STK32C: variants seen among roughly 807,000 people sequenced by gnomAD.
The protein encoded by STK32C is serine/threonine-protein kinase 32C.
Under a neutral mutation model 56.5 loss-of-function variants are expected in STK32C, and 31 were observed. The observed-to-expected ratio is 0.55, with a 90% CI of 0.41 to 0.74. STK32C has a LOEUF of 0.74. STK32C is among the 30% of genes least tolerant of loss of function. The pLI is 0.00. For synonymous variants in STK32C, 309 were observed against 289.4 expected, an observed-to-expected ratio of 1.07 and a Z score of -0.69; for missense variants, 544 against 676.9, an observed-to-expected ratio of 0.80 and a Z score of 2.18.
At chr10:132,309,171 C>A (rs2066172452), upstream of STK32C, among the ~76,000 whole-genome samples, 1 of 152,212 alleles carries the variant, frequency 6.6e-6, no homozygotes, top group African/African-American at 2.4e-5. Flanking sequence ...ACTGTGAGCC[C>A]TGCCTCCCCA....
At chr10:132,319,956 C>A (rs1203825469), downstream of STK32C, among the ~76,000 whole-genome samples, 13 of 149,760 alleles carry the variant, frequency 8.7e-5, 1 homozygote, top group Admixed American at 8.7e-4. Flanking sequence ...GGCACGATCT[C>A]GGCTCACTGC....
intron 1 of STK32C, among the ~76,000 whole-genome samples, chr10:132,305,939 C>T (rs999903782): frequency 6.6e-6 from 1 of 152,182 alleles, no homozygotes; most frequent in Non-Finnish European, 1.5e-5. Flanking sequence ...CGTGGGACAC[C>T]GTCAGCCGAA....
chr10:132,235,493 T>TCAAAA lies in STK32C; in HGVS notation c.319-7366_319-7365insTTTTG, dbSNP rs1565091831. The stretch of plus-strand genomic sequence containing the variant: ...CCTGGCAACAGAGCAAGACTCAGCC[T>TCAAAA]TAAAAAAAAAAAAAAAAAAAAGGAA... On this transcript the variant is annotated intron_variant, in intron 2 of 11. Transcript: ENST00000298630. Among the ~76,000 whole-genome samples the TCAAAA allele has an allele frequency of 8.3e-4, 60 of 72,404 alleles. 15 individuals carry two copies. Among genetic ancestry groups the TCAAAA allele is most frequent in the Middle Eastern group, 0.026 (2 of 78 alleles). The allele number at this position is 72,404 out of a possible 152,430, so 47.5% of individuals were successfully genotyped here.
At chr10:132,240,146 G>A (rs976918473) in intron 2 of STK32C, among the ~76,000 whole-genome samples, 5 of 152,046 alleles carry the variant, frequency 3.3e-5, no homozygotes, top group Admixed American at 6.5e-5. Context: ...GACTCAAGCC[G>A]CCTGGGTGGT....
intron 1 of STK32C, among the ~76,000 whole-genome samples, chr10:132,286,142 AAAT>A (rs2065399270): frequency 6.6e-6 from 1 of 152,174 alleles, no homozygotes; most frequent in South Asian, 2.1e-4. Flanking sequence ...AAAAAAAGGA[AAAT>A]AATACAACTT....
chr10:132,246,111 C>T (rs547378411), intron 1 of STK32C, among the ~76,000 whole-genome samples, 156 bp from the exon 2 acceptor site: 1 of 152,200 alleles, frequency 6.6e-6, no homozygotes, highest in African/African-American at 2.4e-5. Flanking sequence ...CGCTCCTGTG[C>T]GAGGCAGGAG....
At chr10:132,306,164 A>AC (rs1224088164) in intron 1 of STK32C, among the ~76,000 whole-genome samples, 1 of 151,534 alleles carries the variant, frequency 6.6e-6, no homozygotes, top group Non-Finnish European at 1.5e-5. Context: ...CTCCACTCCC[A>AC]CCCCCGGAGA....
chr10:132,216,482 AG>A (rs1482833454), intron 10 of STK32C, among the ~76,000 whole-genome samples: 16 of 146,740 alleles, frequency 1.1e-4, no homozygotes, highest in African/African-American at 2.7e-4. Context: ...AAAAAAAAAA[AG>A]AGAGAAAAAA....
intron 2 of STK32C, among the ~76,000 whole-genome samples, chr10:132,243,857 C>A (rs1279031982): frequency 6.6e-6 from 1 of 152,108 alleles, no homozygotes; most frequent in Admixed American, 6.5e-5. Context: ...GCCAGGGGAT[C>A]CCACCCCTCA....
chr10:132,209,768 G>T (rs545695144), intron 10 of STK32C, among the ~76,000 whole-genome samples: 3 of 151,990 alleles, frequency 2.0e-5, no homozygotes, highest in African/African-American at 4.8e-5. Context: ...GGATGGTGAC[G>T]TTGGTCACTA....
chr10:132,273,489 G>A (rs79355890), intron 1 of STK32C, among the ~76,000 whole-genome samples: 4 of 152,152 alleles, frequency 2.6e-5, no homozygotes, highest in Non-Finnish European at 4.4e-5. Context: ...GTGAGTGAAC[G>A]AATGCACGGT....
At chr10:132,232,435 G>A (rs1268025395) in intron 2 of STK32C, among the ~76,000 whole-genome samples, 1 of 152,160 alleles carries the variant, frequency 6.6e-6, no homozygotes, top group African/African-American at 2.4e-5. Context: ...TGGGTTTGGT[G>A]CAGTCTCTGT....
At chr10:132,237,582 C>T (rs1713319989) in intron 2 of STK32C, among the ~76,000 whole-genome samples, 1 of 152,264 alleles carries the variant, frequency 6.6e-6, no homozygotes, top group African/African-American at 2.4e-5. Flanking sequence ...GGTTTCTTTG[C>T]TCCTGCAGTG....
chr10:132,252,643 G>A (rs964655537), intron 1 of STK32C, among the ~76,000 whole-genome samples: 1 of 152,226 alleles, frequency 6.6e-6, no homozygotes, highest in African/African-American at 2.4e-5. Flanking sequence ...GGCGGGCGTG[G>A]GATGGACGGA....
At chr10:132,217,740 T>C (rs570084376) in intron 10 of STK32C, among the ~76,000 whole-genome samples, 1 of 152,190 alleles carries the variant, frequency 6.6e-6, no homozygotes, top group South Asian at 2.1e-4. Context: ...AAAACAAAAG[T>C]TTCCCTGAAC....
At chr10:132,226,338 C>A (rs1476619977) in intron 4 of STK32C, among the ~76,000 whole-genome samples, 1 of 152,244 alleles carries the variant, frequency 6.6e-6, no homozygotes, top group Non-Finnish European at 1.5e-5. Flanking sequence ...CCTTCATAAT[C>A]TGCTTCCTAT....
intron 1 of STK32C, among the ~76,000 whole-genome samples, chr10:132,268,850 T>C (rs1161314268): frequency 6.8e-6 from 1 of 147,632 alleles, no homozygotes; most frequent in Non-Finnish European, 1.5e-5. Flanking sequence ...TGCAGCTCTA[T>C]GCCTGTGTGC....
At chr10:132,288,558 G>A (rs1590402563) in intron 1 of STK32C, among the ~76,000 whole-genome samples, 1 of 152,208 alleles carries the variant, frequency 6.6e-6, no homozygotes, top group East Asian at 1.9e-4. Context: ...TTAGGTGACT[G>A]TATGCCTTTG....
At position 132,255,180 on chromosome 10, in the gene STK32C, G is replaced by C. The variant is rs1203707927; in HGVS notation, c.263-9225C>G. ...CTCCTATGACCTGGGAAGTGCTTAT[G>C]ATGAGGAAAATCATCCCCCAGGACT... On this transcript the variant is annotated intron_variant, in intron 1 of 11. Transcript: ENST00000298630. The surrounding 1 kb of genome is among the most constrained non-coding windows in gnomAD (Gnocchi z 4.6). Among the ~76,000 whole-genome samples, 1 of 152,230 alleles carries C rather than the reference G, an allele frequency of 6.6e-6. No individual in the cohort carries two copies. The highest frequency in any genetic ancestry group is 1.9e-4 in the East Asian group (1 of 5,202).
Sources: gnomAD v4.1 joint callset for allele counts (sites outside exome capture counted in the v4.1 genomes callset) on GRCh38, gnomAD v4.1.1 for gene constraint, Gnocchi (gnomAD v3.1) non-coding constraint, MANE v1.5 for transcripts, NCBI Gene and HGNC (gene_info 2026-07-23, HGNC 2026-07-21) for gene names.